ARFGEF3: variants seen among roughly 807,000 people sequenced by gnomAD.
The protein encoded by ARFGEF3 is brefeldin A-inhibited guanine nucleotide-exchange protein 3.
Under a neutral mutation model 221.7 loss-of-function variants are expected in ARFGEF3, and 96 were observed. The ratio of observed to expected loss-of-function variants is 0.43; its 90% CI spans 0.37 to 0.51. ARFGEF3 has a LOEUF of 0.51. Ranked by LOEUF, ARFGEF3 falls within the 20% of genes least tolerant of loss-of-function variation. ARFGEF3 has a pLI of 0.00. For synonymous variants in ARFGEF3, 1,145 were observed against 1,126.8 expected (o/e 1.02, Z -0.32); for missense variants, 2,410 against 2,789.9 (o/e 0.86, Z 3.07).
Position 138,334,780 on chromosome 6 carries a change from C to G in ARFGEF3, c.5934C>G (p.Ser1978Arg). The stretch of plus-strand genomic sequence containing the variant: ...GGGAGCACATGGGCGAGTCCCTGAG[C>G]CTGAAGGCCGGTGGTGGGGACCTGC... ...QSREHMGESL[S>R]LKAGGGDLLL... is the part of the protein sequence containing the mutation. The change falls in exon 33 of 34, where the codon AGC becomes AGG. Residue 1978 changes from serine to arginine, a missense_variant. Physicochemically the swap from Ser to Arg is moderately radical, Grantham distance 110. This residue lies in a region of ARFGEF3 where 339 missense variants were observed against 334.9 expected (regional missense o/e 1.01). Coordinates refer to ENST00000251691, the MANE Select transcript of ARFGEF3 (RefSeq NM_020340.5). The surrounding 1 kb of genome is among the most constrained non-coding windows in gnomAD (Gnocchi z 5.1). The G allele has an allele frequency of 1.2e-6, 2 of 1,608,964 alleles. No homozygotes were observed. The highest frequency in any genetic ancestry group is 1.7e-6 in the Non-Finnish European group (2 of 1,177,708).
intron 6 of ARFGEF3, among the ~76,000 whole-genome samples, chr6:138,241,133 A>G (rs1778388261): frequency 1.3e-5 from 2 of 152,200 alleles, no homozygotes; most frequent in Admixed American, 1.3e-4. Context: ...AGATCACTCA[A>G]GTCAAATCTT....
chr6:138,218,383 A>C, intron 4 of ARFGEF3: 4 of 1,540,612 alleles, frequency 2.6e-6, no homozygotes, highest in Non-Finnish European at 3.5e-6. Context: ...TGGTTCCTTA[A>C]GAAGGCCCTC....
intron 12 of ARFGEF3, 102 bp from the exon 13 acceptor site, chr6:138,278,349 A>G (rs1779134658): frequency 3.0e-6 from 3 of 1,001,066 alleles, no homozygotes; most frequent in South Asian, 3.0e-5. Flanking sequence ...GAAATATCCT[A>G]TTGATGCAGT....
At chr6:138,179,997 G>A (rs1483415247) in intron 2 of ARFGEF3, among the ~76,000 whole-genome samples, 1 of 152,132 alleles carries the variant, frequency 6.6e-6, no homozygotes, top group East Asian at 1.9e-4. Context: ...ATTTTTTGTA[G>A]AGATGGAGTT....
Position 138,298,736 on chromosome 6 carries a change from T to C in ARFGEF3, c.3779T>C (p.Phe1260Ser), listed in dbSNP as rs1403884417. 1 of 1,613,586 alleles carries C rather than the reference T, an allele frequency of 6.2e-7. No individual in the cohort carries two copies. Among genetic ancestry groups the C allele is most frequent in the African/African-American group, 1.3e-5 (1 of 75,044 alleles). Residue 1260 changes from phenylalanine to serine, a missense_variant, in exon 22 of 34, where the codon TTC becomes TCC. Coordinates refer to ENST00000251691, the MANE Select transcript of ARFGEF3 (RefSeq NM_020340.5). The stretch of plus-strand genomic sequence containing the variant: ...TTCAATGAAGCACTCTTCCGACCTT[T>C]CGAGCGCATTATGCAGCTGGAATTG... The part of the protein sequence containing the change: ...FHFNEALFRP[F>S]ERIMQLELCD...
In ARFGEF3 at chr6:138,292,052, A is replaced by AGGTGC. The variant is rs889854031; in HGVS notation, c.3368+1_3368+5dup. On this transcript the variant is annotated frameshift_variant and splice_region_variant, in exon 19 of 34. Transcript: ENST00000251691. LOFTEE classifies it high-confidence loss of function. ...GCTCACCCTCTCCACGCAAGCCGACAGGTGCGCGGCGCCGGCCTCCCACGC... is the reference window on the plus strand; with the variant it reads ...GCTCACCCTCTCCACGCAAGCCGACAGGTGCGGTGCGCGGCGCCGGCCTCCCACGC... 10 of 1,431,624 alleles carry AGGTGC rather than the reference A, an allele frequency of 7.0e-6. No individual in the cohort carries two copies. In the Admixed American group the frequency reaches 1.1e-4, roughly 15 times the overall value. 88.7% of individuals were successfully genotyped at this position (1,431,624 alleles called of 1,614,324 possible). A position where few individuals can be genotyped will look rare whatever the true frequency, so the allele number is the denominator to read the frequency against.
intron 2 of ARFGEF3, among the ~76,000 whole-genome samples, chr6:138,205,782 G>A (rs576393904): frequency 2.0e-5 from 3 of 152,170 alleles, no homozygotes; most frequent in Non-Finnish European, 4.4e-5. Flanking sequence ...TGAGGGGCAC[G>A]GTGAGGGTTA....
intron 2 of ARFGEF3, among the ~76,000 whole-genome samples, chr6:138,194,682 G>A (rs374656849): frequency 4.6e-5 from 7 of 152,214 alleles, no homozygotes; most frequent in East Asian, 3.8e-4. Context: ...AGGATCACAA[G>A]CCTCACTTCA....
chr6:138,201,039 G>A (rs1442794590), intron 2 of ARFGEF3, among the ~76,000 whole-genome samples: 1 of 152,088 alleles, frequency 6.6e-6, no homozygotes, highest in Non-Finnish European at 1.5e-5. Flanking sequence ...CTCAAAAGAA[G>A]ACATACAAAT....
intron 2 of ARFGEF3, among the ~76,000 whole-genome samples, chr6:138,183,979 G>A (rs1168704648): frequency 6.6e-6 from 1 of 152,148 alleles, no homozygotes; most frequent in Non-Finnish European, 1.5e-5. Context: ...GGGGCAGAAG[G>A]GCAGCTTCCA....
intron 10 of ARFGEF3, among the ~76,000 whole-genome samples, chr6:138,258,057 T>C (rs1778718771): frequency 6.6e-6 from 1 of 152,232 alleles, no homozygotes; most frequent in African/African-American, 2.4e-5. Flanking sequence ...AAATCACCAC[T>C]GTTAACAATT....
chr6:138,245,462 C>A, intron 7 of ARFGEF3, 51 bp from the exon 8 acceptor site: 1 of 1,286,964 alleles, frequency 7.8e-7, no homozygotes, highest in East Asian at 2.4e-5. Context: ...TCAGGGAGCT[C>A]GTCGTGCCCC....
chr6:138,319,737 C>G lies in ARFGEF3; in HGVS notation c.4509C>G (p.Leu1503=). ...PGFGIYAVVH[L]LLPVMSVWLR... is the part of the protein sequence containing the mutation. ...TTGGTATCTATGCAGTGGTTCACCT[C>G]CTCCTTCCTGTGATGTCCGTTTGGC... Residue 1503 remains leucine (L), a synonymous_variant, in exon 28 of 34, where the codon CTC becomes CTG. Transcript: ENST00000251691. The G allele has an allele frequency of 6.2e-7, 1 of 1,612,968 alleles. No individual in the cohort carries two copies. The highest frequency in any genetic ancestry group is 1.3e-5 in the African/African-American group (1 of 75,010).
intron 12 of ARFGEF3, among the ~76,000 whole-genome samples, chr6:138,264,973 G>A (rs1313258665): frequency 6.8e-6 from 1 of 148,102 alleles, no homozygotes; most frequent in South Asian, 2.1e-4. Context: ...GTGCAATCTC[G>A]GCTCACTGCA....
intron 4 of ARFGEF3, 121 bp downstream of exon 4, chr6:138,210,162 G>C: frequency 2.1e-6 from 2 of 951,682 alleles, no homozygotes; most frequent in Non-Finnish European, 1.5e-6. Flanking sequence ...CATTTGGAAC[G>C]GATGCTTGTT....
At chr6:138,190,497 G>T (rs1777282637) in intron 2 of ARFGEF3, among the ~76,000 whole-genome samples, 1 of 152,162 alleles carries the variant, frequency 6.6e-6, no homozygotes, top group Admixed American at 6.5e-5. Flanking sequence ...TTGAGGTAGG[G>T]TCGTTGGCCT....
At chr6:138,171,904 G>A (rs867444846) in intron 2 of ARFGEF3, among the ~76,000 whole-genome samples, 7 of 151,932 alleles carry the variant, frequency 4.6e-5, no homozygotes, top group African/African-American at 1.5e-4. Flanking sequence ...AATAACACTT[G>A]GGCTGTTTCC....
chr6:138,343,362 A>C lies in ARFGEF3; in HGVS notation c.*6876A>C, dbSNP rs1780462369. ...GGAATGGAAGGAAATGATTATATTT[A>C]CTAGAATTAGTGAGATCAGAAAGCA... is the stretch of plus-strand genomic sequence containing the variant. On this transcript the variant is annotated 3_prime_UTR_variant, in exon 34 of 34. Transcript: ENST00000251691. 1 of 152,188 alleles carries C rather than the reference A, an allele frequency of 6.6e-6. No individual in the cohort carries two copies. Among genetic ancestry groups the C allele is most frequent in the African/African-American group, 2.4e-5 (1 of 41,446 alleles). The allele number at this position is 152,188 out of a possible 1,614,324, so 9.4% of individuals were successfully genotyped here.
At chr6:138,272,103 A>G (rs1779013193) in intron 12 of ARFGEF3, among the ~76,000 whole-genome samples, 1 of 152,218 alleles carries the variant, frequency 6.6e-6, no homozygotes, top group South Asian at 2.1e-4. Context: ...CTAAAGGAAC[A>G]GAAACTCAGG....
Sources: gnomAD v4.1 joint callset for allele counts (sites outside exome capture counted in the v4.1 genomes callset) on GRCh38, gnomAD v4.1.1 for gene constraint, gnomAD v4.1.1 regional missense constraint, Gnocchi (gnomAD v3.1) non-coding constraint, MANE v1.5 for transcripts, NCBI Gene and HGNC (gene_info 2026-07-23, HGNC 2026-07-21) for gene names.